The following PCDH7 variants were observed in gnomAD, a reference collection of about 807,000 sequenced individuals.
The protein encoded by PCDH7 is protocadherin 7, also known as protocadherin-7.
A neutral mutation model predicts 58.9 loss-of-function variants in PCDH7; 17 were observed. The observed-to-expected ratio is 0.29, with a 90% CI of 0.20 to 0.43. PCDH7 has a LOEUF of 0.43. PCDH7 is among the 20% of genes least tolerant of loss of function. The pLI, the probability that PCDH7 is intolerant of heterozygous loss-of-function variation, is 1.00. For synonymous variants in PCDH7, 664 were observed against 616.4 expected (o/e 1.08, Z -1.14); for missense variants, 1,274 against 1,441.0 (o/e 0.88, Z 1.88).
At chr4:31,022,969 G>A (rs780035422) in intron 3 of PCDH7, among the ~76,000 whole-genome samples, 3 of 152,182 alleles carry the variant, frequency 2.0e-5, no homozygotes, top group Non-Finnish European at 4.4e-5. Flanking sequence ...GGAAATGGAA[G>A]TAACATAATC....
intron 1 of PCDH7, among the ~76,000 whole-genome samples, chr4:30,890,649 T>G (rs1738493046): frequency 6.6e-6 from 1 of 152,090 alleles, no homozygotes; most frequent in African/African-American, 2.4e-5. Flanking sequence ...TTTGTTTTTA[T>G]AGTTTTCAGG....
chr4:30,731,632 C>T (rs929283502), exon 2 of PCDH7: 5 of 152,038 alleles, frequency 3.3e-5, no homozygotes, highest in African/African-American at 7.2e-5. Context: ...TTATGGACTA[C>T]GTTTATCAGA....
chr4:31,126,080 A>G (rs1718260476), intron 3 of PCDH7, among the ~76,000 whole-genome samples: 1 of 151,436 alleles, frequency 6.6e-6, no homozygotes, highest in Non-Finnish European at 1.5e-5. Flanking sequence ...AAGTGGAGTA[A>G]TATACAACTA....
intron 1 of PCDH7, among the ~76,000 whole-genome samples, chr4:30,859,106 C>G (rs928863058): frequency 1.3e-5 from 2 of 152,112 alleles, no homozygotes; most frequent in Non-Finnish European, 2.9e-5. Context: ...TATTGCTACT[C>G]TTATTGTTGT....
intron 3 of PCDH7, among the ~76,000 whole-genome samples, chr4:31,123,348 C>T (rs1424628586): frequency 6.6e-6 from 1 of 152,002 alleles, no homozygotes; most frequent in Non-Finnish European, 1.5e-5. Flanking sequence ...AGAAAGAATA[C>T]GTAGAATAGT....
At chr4:31,108,460 G>T (rs973988865) in intron 3 of PCDH7, among the ~76,000 whole-genome samples, 4 of 131,352 alleles carry the variant, frequency 3.0e-5, no homozygotes, top group Admixed American at 2.6e-4. Flanking sequence ...AGTGCCAAAA[G>T]ATTGAATAAT....
chr4:31,063,306 T>C (rs893780865), intron 3 of PCDH7, among the ~76,000 whole-genome samples: 1 of 151,876 alleles, frequency 6.6e-6, no homozygotes, highest in East Asian at 1.9e-4. Flanking sequence ...TGCAGGTATA[T>C]AATACATCTT....
chr4:30,741,524 G>A (rs1369301255), intron 1 of PCDH7, among the ~76,000 whole-genome samples: 1 of 152,072 alleles, frequency 6.6e-6, no homozygotes, highest in African/African-American at 2.4e-5. Flanking sequence ...TGCCACCATT[G>A]CATTTTTTCC....
intron 3 of PCDH7, among the ~76,000 whole-genome samples, chr4:31,021,623 C>T (rs756686731): frequency 6.6e-6 from 1 of 152,106 alleles, no homozygotes; most frequent in Non-Finnish European, 1.5e-5. Flanking sequence ...GTAATTCCAG[C>T]CTCTCTCAAG....
At chr4:31,141,431 T>G (rs1037759444) in intron 3 of PCDH7, among the ~76,000 whole-genome samples, 5 of 152,250 alleles carry the variant, frequency 3.3e-5, no homozygotes, top group African/African-American at 1.2e-4. Flanking sequence ...CTTCAGGTTA[T>G]TGCCTCAGAA....
Position 30,977,952 on chromosome 4 carries a change from T to C in PCDH7, c.*7+27737T>C, listed in dbSNP as rs115170179. Among the ~76,000 whole-genome samples, 138 of 152,338 alleles carry C rather than the reference T, an allele frequency of 9.1e-4. 1 individual carries two copies. The highest frequency in any genetic ancestry group is 3.2e-3 in the African/African-American group (133 of 41,578). On this transcript the variant is annotated intron_variant, in intron 3 of 3. Transcript: ENST00000509759. ...GCGTATATAGTGATGCAGAGATGCA[T>C]GCTCCTTAGCTTCGTATAAATCTAA...
At chr4:30,750,804 C>T (rs1478771080) in intron 1 of PCDH7, among the ~76,000 whole-genome samples, 60 of 151,728 alleles carry the variant, frequency 4.0e-4, no homozygotes, top group Admixed American at 3.2e-3. Flanking sequence ...AAGTGTAACG[C>T]GAAAGACAGT....
chr4:30,873,523 A>G (rs1169634188), intron 1 of PCDH7, among the ~76,000 whole-genome samples: 1 of 101,228 alleles, frequency 9.9e-6, no homozygotes, highest in Non-Finnish European at 2.2e-5. Flanking sequence ...ATTTCTAAAT[A>G]ATGAGAAATT....
intron 3 of PCDH7, among the ~76,000 whole-genome samples, chr4:31,003,568 G>A (rs1467994234): frequency 1.3e-5 from 2 of 152,024 alleles, no homozygotes; most frequent in African/African-American, 2.4e-5. Context: ...AATCGGAACT[G>A]CTCCAAAGAG....
intron 3 of PCDH7, among the ~76,000 whole-genome samples, chr4:31,091,960 A>G (rs888236809): frequency 2.6e-5 from 4 of 152,080 alleles, no homozygotes; most frequent in African/African-American, 9.6e-5. Flanking sequence ...CTGAAGTACG[A>G]TGATTTCCAT....
At chr4:30,995,244 A>G (rs947948656) in intron 3 of PCDH7, among the ~76,000 whole-genome samples, 2 of 152,158 alleles carry the variant, frequency 1.3e-5, no homozygotes, top group Admixed American at 6.5e-5. Flanking sequence ...ACGGCCCAGC[A>G]CGGTGGCTCA....
At chr4:31,041,288 T>C (rs1428422869) in intron 3 of PCDH7, among the ~76,000 whole-genome samples, 3 of 152,206 alleles carry the variant, frequency 2.0e-5, no homozygotes, top group Non-Finnish European at 4.4e-5. Context: ...TTTGCTTGGT[T>C]ATTATTCCGG....
chr4:30,887,540 T>C (rs961770825), intron 1 of PCDH7, among the ~76,000 whole-genome samples: 1 of 152,198 alleles, frequency 6.6e-6, no homozygotes, highest in Admixed American at 6.5e-5. Flanking sequence ...ACACATTCAG[T>C]ACATAGAGAA....
intron 1 of PCDH7, among the ~76,000 whole-genome samples, chr4:30,749,316 C>A (rs998559833): frequency 1.3e-5 from 2 of 152,162 alleles, no homozygotes; most frequent in Admixed American, 6.5e-5. Flanking sequence ...TGGCTGACAT[C>A]ATTTCTTAAA....
Sources: allele counts gnomAD v4.1 joint callset (sites outside exome capture counted in the v4.1 genomes callset), GRCh38; gene constraint gnomAD v4.1.1; transcripts MANE v1.5; gene names NCBI Gene and HGNC (gene_info 2026-07-23, HGNC 2026-07-21).